Variants in PARN observed in about 807,000 individuals in gnomAD.
PARN encodes the protein poly(A)-specific ribonuclease.
A neutral mutation model predicts 102.8 loss-of-function variants in PARN; 71 were observed. The ratio of observed to expected loss-of-function variants is 0.69; its 90% CI spans 0.57 to 0.84. PARN has a LOEUF of 0.84. Ranked by LOEUF, PARN falls within the 40% of genes least tolerant of loss-of-function variation. The pLI is 0.00. For synonymous variants in PARN, 261 were observed against 252.9 expected (o/e 1.03, Z -0.30); for missense variants, 782 against 760.9 (o/e 1.03, Z -0.33).
At chr16:14,614,160 G>A (rs1222747252) in intron 6 of PARN, among the ~76,000 whole-genome samples, 1 of 152,050 alleles carries the variant, frequency 6.6e-6, no homozygotes, top group Admixed American at 6.6e-5. Flanking sequence ...GGAAGGCTGA[G>A]GTGGGAGAAT....
rs140646598 is a variant in PARN at position 14,581,380 on chromosome 16, C to T, written c.1193-437G>A. On this transcript the variant is annotated intron_variant, in intron 17 of 23. Transcript: ENST00000437198. ...GAAAGGTATTCTTACGCACCAAGTA[C>T]CATACCACAGCAAGTGTCAGTGGTT... 1.6e-4 allele frequency among the ~76,000 whole-genome samples: 24 copies of T among 152,190 alleles called. No homozygotes were observed. The East Asian group carries it at 4.6e-3, about 29-fold the overall frequency.
Position 14,436,779 on chromosome 16 carries a change from GGAAAGAACAAAAC to G in PARN, c.1865-20_1865-8del. The G allele has an allele frequency of 1.9e-6, 3 of 1,579,696 alleles. No homozygotes were observed. Among genetic ancestry groups the G allele is most frequent in the Non-Finnish European group, 2.6e-6 (3 of 1,161,644 alleles). On this transcript the variant is annotated splice_region_variant and splice_polypyrimidine_tract_variant and intron_variant, in intron 23 of 23. Transcript: ENST00000437198. ...CTGTTCTTCGAGATGCTTCCTGGTG[GGAAAGAACAAAAC>G]AATATGAACAGCAGGACCAGGACGG...
chr16:14,470,437 GATTATTATTATTATT>G (rs56768991), intron 22 of PARN, among the ~76,000 whole-genome samples: 24,524 of 147,092 alleles, frequency 0.17, 2,560 homozygotes, highest in Middle Eastern at 0.27. Context: ...GAGTTTGGAT[GATTATTATTATTATT>G]ATTATTATTA....
intron 11 of PARN, among the ~76,000 whole-genome samples, 152 bp from the exon 12 acceptor site, chr16:14,600,112 G>C (rs1970788025): frequency 6.6e-6 from 1 of 152,162 alleles, no homozygotes; most frequent in Admixed American, 6.5e-5. Flanking sequence ...CCAAACATTT[G>C]CATCTAAAAT....
rs1287829235 is a variant in PARN, at chr16:14,582,259, C to T, written c.1114G>A (p.Ala372Thr). ...CCTGCCTCGTGGAGTTGTTCAGAGG[C>T]TGTGTCATAACTTGGAAAACCTTCG... is the stretch of plus-strand genomic sequence containing the variant. ...SAEGFPSYDT[A>T]SEQLHEAGYD... The change falls in exon 17 of 24, where the codon GCC (alanine) becomes ACC (threonine). Residue 372 changes from alanine (A) to threonine (T), a missense_variant. Physicochemically the swap from Ala to Thr is moderately conservative, Grantham distance 58. Coordinates refer to ENST00000437198, the MANE Select transcript of PARN (RefSeq NM_002582.4). 1.2e-6 allele frequency: 2 copies of T among 1,613,686 alleles called. No individual in the cohort carries two copies. Among genetic ancestry groups the T allele is most frequent in the South Asian group, 1.1e-5 (1 of 91,084 alleles).
At chr16:14,595,346 GCACACACACACAAA>G (rs988689965) in intron 12 of PARN, among the ~76,000 whole-genome samples, 30 of 151,818 alleles carry the variant, frequency 2.0e-4, no homozygotes, top group Non-Finnish European at 3.2e-4. Flanking sequence ...ACACCCATGC[GCACACACACACAAA>G]CACACACACA....
chr16:14,597,088 A>AT (rs903371361), intron 12 of PARN, among the ~76,000 whole-genome samples: 32 of 151,924 alleles, frequency 2.1e-4, no homozygotes, highest in Non-Finnish European at 4.3e-4. Flanking sequence ...TGCCCAGCCC[A>AT]TTTTTTTCTT....
At chr16:14,453,310 C>T (rs999495758) in intron 22 of PARN, among the ~76,000 whole-genome samples, 1 of 152,192 alleles carries the variant, frequency 6.6e-6, no homozygotes, top group Non-Finnish European at 1.5e-5. Context: ...GGGTGAACAT[C>T]TCCAGTACTT....
At chr16:14,482,888 A>C in intron 21 of PARN, 61 bp from the exon 22 acceptor site, 1 of 1,419,026 alleles carries the variant, frequency 7.0e-7, no homozygotes, top group Non-Finnish European at 9.4e-7. Flanking sequence ...CCCAAAGATG[A>C]CACTTTTGAA....
In PARN at chr16:14,519,654, GTGAC is replaced by G. The variant is rs202157437; in HGVS notation, c.1480+32363_1480+32366del. Among the ~76,000 whole-genome samples the G allele has an allele frequency of 1.6e-4, 25 of 152,216 alleles. No homozygotes were observed. The East Asian group carries it at 4.6e-3, about 28-fold the overall frequency. ...TGGAGCATTAGTAAGGGTCAAAACT[GTGAC>G]TGACTAAATCATATTATAGATTTCT... is the stretch of plus-strand genomic sequence containing the variant. On this transcript the variant is annotated intron_variant, in intron 21 of 23. Transcript: ENST00000437198.
At chr16:14,607,257 G>A (rs1046000926) in intron 9 of PARN, among the ~76,000 whole-genome samples, 1 of 152,058 alleles carries the variant, frequency 6.6e-6, no homozygotes, top group Non-Finnish European at 1.5e-5. Context: ...CACTCAGGCT[G>A]GAGTGCCAAG....
At chr16:14,528,890 AT>A (rs1241051559) in intron 21 of PARN, among the ~76,000 whole-genome samples, 1 of 152,210 alleles carries the variant, frequency 6.6e-6, no homozygotes, top group Non-Finnish European at 1.5e-5. Flanking sequence ...CTTTATAAGT[AT>A]TTCTTATAAA....
At chr16:14,443,638 A>G (rs1961054626) in intron 23 of PARN, among the ~76,000 whole-genome samples, 1 of 152,184 alleles carries the variant, frequency 6.6e-6, no homozygotes, top group Admixed American at 6.5e-5. Flanking sequence ...TGTACCCGGT[A>G]AGATTAAATT....
At chr16:14,466,175 G>C (rs1435747832) in intron 22 of PARN, among the ~76,000 whole-genome samples, 1 of 152,140 alleles carries the variant, frequency 6.6e-6, no homozygotes, top group African/African-American at 2.4e-5. Context: ...AGAAGTAGCA[G>C]TAAGTACATT....
At chr16:14,617,166 C>T (rs138372122) in intron 6 of PARN, among the ~76,000 whole-genome samples, 1,827 of 150,608 alleles carry the variant, frequency 0.012, 43 homozygotes, top group African/African-American at 0.042. Context: ...GGGCAGATCA[C>T]GAGGTCAGGA....
chr16:14,560,375 G>A (rs1052488746), intron 18 of PARN, among the ~76,000 whole-genome samples: 1 of 152,196 alleles, frequency 6.6e-6, no homozygotes, highest in Non-Finnish European at 1.5e-5. Context: ...AGACCCTCAA[G>A]ACTGCGTGCG....
At chr16:14,597,049 AGTACTGGGATTACAG>A (rs1460128117) in intron 12 of PARN, among the ~76,000 whole-genome samples, 1 of 152,136 alleles carries the variant, frequency 6.6e-6, no homozygotes, top group Admixed American at 6.5e-5. Flanking sequence ...GGCCTCCCAA[AGTACTGGGATTACAG>A]GTGTGAGCCA....
chr16:14,553,952 C>A, intron 20 of PARN, 113 bp downstream of exon 20: 1 of 671,176 alleles, frequency 1.5e-6, no homozygotes. Flanking sequence ...GAAATTAAAA[C>A]CTTGAATATT....
At chr16:14,484,090 C>CT (rs1395510641) in intron 21 of PARN, among the ~76,000 whole-genome samples, 2 of 152,338 alleles carry the variant, frequency 1.3e-5, no homozygotes, top group Admixed American at 6.5e-5. Flanking sequence ...TTTAAGACAG[C>CT]TGCACAATAC....
Sources: allele counts gnomAD v4.1 joint callset (sites outside exome capture counted in the v4.1 genomes callset), GRCh38; gene constraint gnomAD v4.1.1; transcripts MANE v1.5; gene names NCBI Gene and HGNC (gene_info 2026-07-23, HGNC 2026-07-21).